Variants in CABIN1 observed in about 807,000 individuals in gnomAD.
The protein encoded by CABIN1 is calcineurin binding protein 1, also known as calcineurin-binding protein cabin-1.
CABIN1 carries 133 observed loss-of-function variants against 227.7 expected under a neutral mutation model. That is an observed-to-expected ratio of 0.58 (90% confidence interval 0.51 to 0.67). The LOEUF (loss-of-function observed/expected upper bound fraction) is 0.67, where lower values mean the gene tolerates loss of function less well. Among genes scored for constraint, CABIN1 ranks in the 30% least tolerant of loss-of-function variants. The pLI, the probability that CABIN1 is intolerant of heterozygous loss-of-function variation, is 0.00. For missense variants in CABIN1, 2,408 were observed against 2,852.5 expected, an observed-to-expected ratio of 0.84 and a Z score of 3.55; for synonymous variants, 1,086 against 1,155.1, an observed-to-expected ratio of 0.94 and a Z score of 1.21.
At chr22:24,134,174 G>C (rs998587971) in intron 28 of CABIN1, 128 bp from the exon 29 acceptor site, 1 of 699,796 alleles carries the variant, frequency 1.4e-6, no homozygotes, top group South Asian at 1.5e-5. Flanking sequence ...CTGTGGAATC[G>C]ATGTCTGCAG....
At chr22:24,025,236 T>C (rs2146672479) in intron 1 of CABIN1, among the ~76,000 whole-genome samples, 1 of 152,320 alleles carries the variant, frequency 6.6e-6, no homozygotes, top group Admixed American at 6.5e-5. Context: ...TTTTGCAAAA[T>C]GTATTCCTTG....
intron 9 of CABIN1, among the ~76,000 whole-genome samples, chr22:24,055,574 C>G (rs1237851530): frequency 6.6e-6 from 1 of 152,196 alleles, no homozygotes; most frequent in Non-Finnish European, 1.5e-5. Context: ...AGAAAACAGT[C>G]AGCAAAGTTA....
At chr22:24,132,227 T>G (rs2044120586) in intron 28 of CABIN1, among the ~76,000 whole-genome samples, 1 of 152,350 alleles carries the variant, frequency 6.6e-6, no homozygotes. Context: ...CTGATGCAGG[T>G]TGTGAGCCCC....
At chr22:24,088,587 G>A (rs996186300) in intron 23 of CABIN1, among the ~76,000 whole-genome samples, 7 of 151,698 alleles carry the variant, frequency 4.6e-5, no homozygotes, top group Non-Finnish European at 1.0e-4. Context: ...CAGCCTGGGC[G>A]ACAGAGTGAG....
chr22:24,097,989 G>A (rs1328557446), intron 25 of CABIN1, 25 bp from the exon 26 acceptor site: 2 of 1,614,068 alleles, frequency 1.2e-6, no homozygotes, highest in African/African-American at 2.7e-5. Flanking sequence ...ACTCTGACCT[G>A]TGCCCCAAAC....
chr22:24,143,163 A>G (rs887116935), intron 29 of CABIN1, among the ~76,000 whole-genome samples: 6 of 152,176 alleles, frequency 3.9e-5, no homozygotes, highest in Non-Finnish European at 8.8e-5. Flanking sequence ...TTCACTATGT[A>G]TAGTGTGGAA....
chr22:24,090,207 C>G (rs2041451248), intron 23 of CABIN1, among the ~76,000 whole-genome samples: 2 of 152,202 alleles, frequency 1.3e-5, no homozygotes, highest in South Asian at 4.1e-4. Flanking sequence ...CTGCATGGTA[C>G]CAGATGCCAG....
chr22:24,045,482 G>A (rs937807046), intron 6 of CABIN1, among the ~76,000 whole-genome samples: 1 of 150,652 alleles, frequency 6.6e-6, no homozygotes, highest in Non-Finnish European at 1.5e-5. Flanking sequence ...TTAACTGGGT[G>A]GGGTGGTGCA....
At chr22:24,096,163 C>A in intron 25 of CABIN1, 81 bp downstream of exon 25, 1 of 1,494,358 alleles carries the variant, frequency 6.7e-7, no homozygotes, top group South Asian at 1.1e-5. Flanking sequence ...ATGTGTTGTT[C>A]AGAGGGTTGC....
At chr22:24,149,148 C>G (rs2045335244) in intron 29 of CABIN1, among the ~76,000 whole-genome samples, 1 of 152,182 alleles carries the variant, frequency 6.6e-6, no homozygotes, top group African/African-American at 2.4e-5. Context: ...GAGGAACAGA[C>G]CAAGGACTCC....
intron 1 of CABIN1, among the ~76,000 whole-genome samples, chr22:24,034,866 A>G (rs2036754332): frequency 6.6e-6 from 1 of 152,148 alleles, no homozygotes; most frequent in South Asian, 2.1e-4. Context: ...TAAAACACCC[A>G]TTGATTCCCT....
At chr22:24,065,486 T>C (rs1194659598) in intron 15 of CABIN1, among the ~76,000 whole-genome samples, 1 of 147,538 alleles carries the variant, frequency 6.8e-6, no homozygotes, top group Non-Finnish European at 1.5e-5. Flanking sequence ...CTAGATGGGA[T>C]GGTGTCCGGG....
chr22:24,163,967 G>A (rs115701002), intron 29 of CABIN1, among the ~76,000 whole-genome samples: 10 of 152,200 alleles, frequency 6.6e-5, no homozygotes, highest in African/African-American at 2.4e-4. Context: ...TGAGGGCAGA[G>A]CCTAGCCAGA....
At chr22:24,058,505 G>A (rs1475084701) in intron 10 of CABIN1, among the ~76,000 whole-genome samples, 2 of 152,166 alleles carry the variant, frequency 1.3e-5, no homozygotes, top group Admixed American at 1.3e-4. Context: ...CTTGGGAGGA[G>A]TGCCTGCCAG....
In CABIN1 at chr22:24,113,355, A is replaced by C. The variant is rs544505776; in HGVS notation, c.4118-211A>C. ...TACCACTGTTTGGGGGAACCCCAGG[A>C]GGGTTGACCATGGAGATTGGTGCAT... On this transcript the variant is annotated intron_variant, in intron 26 of 36. Coordinates refer to ENST00000263119, the MANE Select transcript of CABIN1 (RefSeq NM_012295.4). 1.9e-4 allele frequency among the ~76,000 whole-genome samples: 29 copies of C among 152,312 alleles called. 1 individual carries two copies. Among genetic ancestry groups the C allele is most frequent in the Admixed American group, 1.9e-3 (29 of 15,306 alleles).
At chr22:24,058,966 C>T (rs1237639298) in intron 10 of CABIN1, among the ~76,000 whole-genome samples, 2 of 152,230 alleles carry the variant, frequency 1.3e-5, no homozygotes, top group Non-Finnish European at 2.9e-5. Flanking sequence ...TGGTGCCTAG[C>T]ACAGTGCCTG....
chr22:24,157,139 G>T (rs562427675), intron 29 of CABIN1, among the ~76,000 whole-genome samples: 1 of 152,272 alleles, frequency 6.6e-6, no homozygotes, highest in South Asian at 2.1e-4. Flanking sequence ...CGGCCAGAGA[G>T]GCCCGCCCTG....
chr22:24,102,151 G>C (rs147405774), intron 26 of CABIN1: 3 of 152,294 alleles, frequency 2.0e-5, no homozygotes, highest in Non-Finnish European at 4.4e-5. Flanking sequence ...ACACTAGGAA[G>C]GCCCTGTGGT....
chr22:24,136,003 G>A (rs1293507628), intron 29 of CABIN1, among the ~76,000 whole-genome samples: 2 of 152,146 alleles, frequency 1.3e-5, no homozygotes, highest in Non-Finnish European at 2.9e-5. Flanking sequence ...TAGACAAGTA[G>A]GGGTGTTATT....
Sources: allele counts gnomAD v4.1 joint callset (sites outside exome capture counted in the v4.1 genomes callset), GRCh38; gene constraint gnomAD v4.1.1; transcripts MANE v1.5; gene names NCBI Gene and HGNC (gene_info 2026-07-23, HGNC 2026-07-21).